Variants in PLEKHA7 observed in about 807,000 individuals in gnomAD.
The protein encoded by PLEKHA7 is pleckstrin homology domain-containing family A member 7.
PLEKHA7 carries 104 observed loss-of-function variants against 170.0 expected under a neutral mutation model. The ratio of observed to expected loss-of-function variants is 0.61; its 90% CI spans 0.52 to 0.72. PLEKHA7 has a LOEUF of 0.72. Among genes scored for constraint, PLEKHA7 ranks in the 30% least tolerant of loss-of-function variants. The pLI is 0.00. For synonymous variants in PLEKHA7, 648 were observed against 660.8 expected (o/e 0.98, Z 0.30); for missense variants, 1,615 against 1,671.7 (o/e 0.97, Z 0.59).
chr11:16,837,699 G>A (rs889809168), intron 9 of PLEKHA7, among the ~76,000 whole-genome samples: 2 of 152,146 alleles, frequency 1.3e-5, no homozygotes, highest in African/African-American at 4.8e-5. Flanking sequence ...AAAAAAAAGA[G>A]ATGTAGGTGT....
intron 9 of PLEKHA7, among the ~76,000 whole-genome samples, chr11:16,829,900 C>T (rs1043519458): frequency 4.6e-5 from 7 of 151,964 alleles, no homozygotes; most frequent in Non-Finnish European, 1.0e-4. Flanking sequence ...TTTGTCTTTC[C>T]TTTCTCCCTT....
chr11:16,957,290 C>G (rs1861757602), intron 3 of PLEKHA7, among the ~76,000 whole-genome samples: 1 of 152,102 alleles, frequency 6.6e-6, no homozygotes, highest in African/African-American at 2.4e-5. Context: ...TCTCAGTATC[C>G]AAAAACAAGG....
In PLEKHA7 at chr11:16,805,675, A is replaced by T. The variant is rs183305060; in HGVS notation, c.2008-2380T>A. ...CACAGTGCCGCGCACCTGTAGTCCCAGCTACTCGGGAGGTTGAGGCAGGAG... is the reference window on the plus strand; with the variant it reads ...CACAGTGCCGCGCACCTGTAGTCCCTGCTACTCGGGAGGTTGAGGCAGGAG... On this transcript the variant is annotated intron_variant, in intron 13 of 26. Transcript: ENST00000531066. Among the ~76,000 whole-genome samples the T allele has an allele frequency of 2.6e-5, 4 of 151,894 alleles. No homozygotes were observed. The East Asian group carries it at 7.8e-4, about 30-fold the overall frequency.
rs181189001 is a variant in PLEKHA7 at position 16,874,017 on chromosome 11, A to C, written c.222-2835T>G. Among the ~76,000 whole-genome samples the C allele has an allele frequency of 7.9e-4, 121 of 152,304 alleles. 1 individual carries two copies. Among genetic ancestry groups the C allele is most frequent in the African/African-American group, 2.8e-3 (117 of 41,568 alleles). Reference sequence around the variant, plus strand: ...ACTTGCCAGAGAATCTGAAAATGCAAACTTTAAATCTAAACCTGCCTCATT... The same window carrying C: ...ACTTGCCAGAGAATCTGAAAATGCACACTTTAAATCTAAACCTGCCTCATT... On this transcript the variant is annotated intron_variant, in intron 3 of 26. Coordinates refer to ENST00000531066, the MANE Select transcript of PLEKHA7 (RefSeq NM_001329630.2).
At chr11:16,956,854 G>A (rs1861730985) in intron 3 of PLEKHA7, among the ~76,000 whole-genome samples, 1 of 152,044 alleles carries the variant, frequency 6.6e-6, no homozygotes. Flanking sequence ...GGCCAGCCCT[G>A]TCAACTCAAT....
chr11:17,009,829 G>A (rs1323708663), intron 3 of PLEKHA7, among the ~76,000 whole-genome samples: 2 of 151,838 alleles, frequency 1.3e-5, no homozygotes, highest in African/African-American at 2.4e-5. Flanking sequence ...AGGCCTCTCC[G>A]TGTTGCCCAG....
In PLEKHA7 at chr11:16,826,350, A is replaced by T. The variant is rs1333707290; in HGVS notation, c.1113T>A (p.Asp371Glu). The change falls in exon 10 of 27, where the codon GAT (aspartate) becomes GAA (glutamate). Residue 371 changes from aspartate (D) to glutamate (E), a missense_variant. Transcript: ENST00000531066. ...CAGTGGGTAAATCCATAAACAAGGC[A>T]TCCTCCTCGGCTGGCGAGTACGGAG... ...ARSPYSPAEE[D>E]ALFMDLPTGP... 1.2e-6 allele frequency: 2 copies of T among 1,614,226 alleles called. No homozygotes were observed. The highest frequency in any genetic ancestry group is 4.5e-5 in the East Asian group (2 of 44,886).
intron 13 of PLEKHA7, among the ~76,000 whole-genome samples, chr11:16,812,670 G>A (rs216494): frequency 0.1 from 15,842 of 152,154 alleles, 953 homozygotes; most frequent in South Asian, 0.26. Flanking sequence ...GGAGACTACC[G>A]GTGAGCCTCA....
At position 16,968,474 on chromosome 11, in the gene PLEKHA7, C is replaced by T. The variant is rs554548364; in HGVS notation, c.221+45515G>A. ...CAAGGCTCTCTGCACTGCCCTCTGT[C>T]CTCCAGGGGTCCTCTGGATGCTGTT... is the stretch of plus-strand genomic sequence containing the variant. On this transcript the variant is annotated intron_variant, in intron 3 of 26. Transcript: ENST00000531066. Among the ~76,000 whole-genome samples, 28 of 152,326 alleles carry T rather than the reference C, an allele frequency of 1.8e-4. 1 individual carries two copies. Among genetic ancestry groups the T allele is most frequent in the African/African-American group, 6.7e-4 (28 of 41,580 alleles).
At chr11:16,807,744 G>A (rs1299026599) in intron 13 of PLEKHA7, among the ~76,000 whole-genome samples, 2 of 152,084 alleles carry the variant, frequency 1.3e-5, no homozygotes, top group African/African-American at 4.8e-5. Flanking sequence ...CTCCTTTTTG[G>A]CAACATTGTC....
rs764291411 is a variant in PLEKHA7, at chr11:16,851,145, C to G, written c.696+46G>C. Reference sequence around the variant, plus strand: ...CTTTTATGAAGACATTTTGAGAACACAGTTTCTTAGACAGAATGGCTGCAT... The same window carrying G: ...CTTTTATGAAGACATTTTGAGAACAGAGTTTCTTAGACAGAATGGCTGCAT... On this transcript the variant is annotated intron_variant, in intron 8 of 26. Coordinates refer to ENST00000531066, the MANE Select transcript of PLEKHA7 (RefSeq NM_001329630.2). 5 of 1,425,082 alleles carry G rather than the reference C, an allele frequency of 3.5e-6. No homozygotes were observed. The East Asian group carries it at 1.3e-4, about 36-fold the overall frequency. The allele number at this position is 1,425,082 out of a possible 1,614,324, so 88.3% of individuals were successfully genotyped here.
rs1447279549 is a variant in PLEKHA7, at chr11:16,880,891, CAGCTGT to C, written c.222-9715_222-9710del. On this transcript the variant is annotated intron_variant, in intron 3 of 26. Coordinates refer to ENST00000531066, the MANE Select transcript of PLEKHA7 (RefSeq NM_001329630.2). ...GGAGATGTTTCCAGGATGTTCCCTC[CAGCTGT>C]AGCATTTTAAGATGCTGCGGTTCAT... is the stretch of plus-strand genomic sequence containing the variant. Among the ~76,000 whole-genome samples, 7 of 152,300 alleles carry C rather than the reference CAGCTGT, an allele frequency of 4.6e-5. No homozygotes were observed. The East Asian group carries it at 1.3e-3, about 29-fold the overall frequency.
At chr11:16,966,962 C>T (rs189595610) in intron 3 of PLEKHA7, among the ~76,000 whole-genome samples, 1 of 152,304 alleles carries the variant, frequency 6.6e-6, no homozygotes, top group East Asian at 1.9e-4. Context: ...GGTTCATCTA[C>T]AAATGGGCTA....
intron 3 of PLEKHA7, among the ~76,000 whole-genome samples, chr11:16,913,338 G>A (rs1400666935): frequency 6.6e-6 from 1 of 152,172 alleles, no homozygotes; most frequent in Non-Finnish European, 1.5e-5. Flanking sequence ...TCTGCAGAGG[G>A]CGCGGGAGAT....
At chr11:16,970,795 A>G (rs1404423053) in intron 3 of PLEKHA7, among the ~76,000 whole-genome samples, 1 of 152,254 alleles carries the variant, frequency 6.6e-6, no homozygotes, top group Non-Finnish European at 1.5e-5. Flanking sequence ...TATGTACAAC[A>G]TGATCCCAAT....
chr11:16,974,785 A>G, intron 3 of PLEKHA7: 1 of 788,350 alleles, frequency 1.3e-6, no homozygotes. Context: ...TTAGATCTGC[A>G]GTTGGGCTCA....
At chr11:16,913,552 C>CAG (rs1279820559) in intron 3 of PLEKHA7, among the ~76,000 whole-genome samples, 2 of 152,238 alleles carry the variant, frequency 1.3e-5, no homozygotes, top group Non-Finnish European at 2.9e-5. Context: ...AGACAGTGCG[C>CAG]AGCTTTGCTC....
intron 7 of PLEKHA7, among the ~76,000 whole-genome samples, chr11:16,851,668 C>T (rs1852972709): frequency 6.6e-6 from 1 of 152,056 alleles, no homozygotes; most frequent in South Asian, 2.1e-4. Flanking sequence ...AGGCTGGTCT[C>T]GAATGCCTGA....
Position 16,794,722 on chromosome 11 carries a change from G to T in PLEKHA7, c.2519-8C>A. On this transcript the variant is annotated splice_polypyrimidine_tract_variant and splice_region_variant and intron_variant, in intron 18 of 26. Coordinates refer to ENST00000531066, the MANE Select transcript of PLEKHA7 (RefSeq NM_001329630.2). ...AAGGCACCGTTTTTCTCTCTAAGGG[G>T]CATAGAAGGAAACAAAGCACGGGAT... 6.2e-7 allele frequency: 1 copy of T among 1,612,528 alleles called. No individual in the cohort carries two copies. The highest frequency in any genetic ancestry group is 8.5e-7 in the Non-Finnish European group (1 of 1,178,734).
Sources: allele counts gnomAD v4.1 joint callset (sites outside exome capture counted in the v4.1 genomes callset), GRCh38; gene constraint gnomAD v4.1.1; transcripts MANE v1.5; gene names NCBI Gene and HGNC (gene_info 2026-07-23, HGNC 2026-07-21).